Variants in PCDH9 observed in about 807,000 individuals in gnomAD.
PCDH9 encodes protocadherin 9, also known as protocadherin-9.
Under a neutral mutation model 70.6 loss-of-function variants are expected in PCDH9, and 24 were observed. The ratio of observed to expected loss-of-function variants is 0.34; its 90% CI spans 0.25 to 0.48. The LOEUF is 0.48. PCDH9 is among the 20% of genes least tolerant of loss of function. PCDH9 has a pLI of 0.99. For missense variants in PCDH9, 1,281 were observed against 1,503.6 expected (o/e 0.85, Z 2.45); for synonymous variants, 562 against 558.5 (o/e 1.01, Z -0.09).
chr13:67,199,040 T>A (rs972619228), intron 2 of PCDH9, among the ~76,000 whole-genome samples: 1 of 151,682 alleles, frequency 6.6e-6, no homozygotes, highest in Non-Finnish European at 1.5e-5. Flanking sequence ...TGTCTTAAAA[T>A]CTGATTGTAT....
chr13:66,336,253 T>C (rs887808026), intron 4 of PCDH9, among the ~76,000 whole-genome samples: 15 of 151,968 alleles, frequency 9.9e-5, no homozygotes, highest in African/African-American at 3.4e-4. Flanking sequence ...TTAAAGGCTT[T>C]GCAGGATTTT....
At chr13:66,406,642 G>C (rs1042195231) in intron 4 of PCDH9, among the ~76,000 whole-genome samples, 1 of 152,088 alleles carries the variant, frequency 6.6e-6, no homozygotes, top group Non-Finnish European at 1.5e-5. Context: ...GTTTAGCTTT[G>C]TTTAAACACA....
At chr13:66,682,528 G>A (rs113059039) in intron 3 of PCDH9, among the ~76,000 whole-genome samples, 251 of 151,890 alleles carry the variant, frequency 1.7e-3, no homozygotes, top group African/African-American at 5.5e-3. Context: ...GCTCAGTTTC[G>A]GAGTTGAGTC....
chr13:67,152,709 A>G (rs1454841131), intron 2 of PCDH9, among the ~76,000 whole-genome samples: 1 of 148,882 alleles, frequency 6.7e-6, no homozygotes, highest in Non-Finnish European at 1.5e-5. Flanking sequence ...TGAGGGAAAA[A>G]GAGTAAAGCC....
intron 4 of PCDH9, among the ~76,000 whole-genome samples, chr13:66,575,439 C>T (rs983722086): frequency 3.3e-5 from 5 of 152,164 alleles, no homozygotes; most frequent in Non-Finnish European, 7.4e-5. Context: ...TCAGGATCTA[C>T]TCAAAAATCT....
chr13:66,623,575 A>G (rs1450903427), intron 4 of PCDH9, among the ~76,000 whole-genome samples: 1 of 152,168 alleles, frequency 6.6e-6, no homozygotes, highest in Non-Finnish European at 1.5e-5. Flanking sequence ...AGTAGCTAGG[A>G]CTGCAGGCAC....
chr13:66,310,550 C>T (rs540888141), intron 4 of PCDH9, among the ~76,000 whole-genome samples: 1 of 152,066 alleles, frequency 6.6e-6, no homozygotes, highest in Non-Finnish European at 1.5e-5. Context: ...GACCACCGAC[C>T]TTTCAATCTC....
chr13:66,782,422 C>T (rs1187677688), intron 3 of PCDH9, among the ~76,000 whole-genome samples: 2 of 151,972 alleles, frequency 1.3e-5, no homozygotes, highest in African/African-American at 4.8e-5. Context: ...ATCTCTAGAA[C>T]TAGGCGGCCC....
intron 2 of PCDH9, among the ~76,000 whole-genome samples, chr13:66,981,437 C>CAA (rs372208244): frequency 3.9e-4 from 31 of 78,718 alleles, no homozygotes; most frequent in Admixed American, 1.2e-3. Context: ...GACTCCCTCT[C>CAA]AAAAAAAAAA....
chr13:66,783,531 C>A (rs561151016), intron 3 of PCDH9, among the ~76,000 whole-genome samples: 1 of 152,256 alleles, frequency 6.6e-6, no homozygotes, highest in South Asian at 2.1e-4. Context: ...ATAAACCTAA[C>A]TGAAACCAAT....
At chr13:66,666,756 C>T (rs1412927151) in intron 3 of PCDH9, among the ~76,000 whole-genome samples, 1 of 152,182 alleles carries the variant, frequency 6.6e-6, no homozygotes, top group Non-Finnish European at 1.5e-5. Context: ...GAGATCTTCA[C>T]ATTCTATTAA....
intron 3 of PCDH9, among the ~76,000 whole-genome samples, chr13:66,870,586 C>A (rs1385141715): frequency 6.6e-6 from 1 of 152,092 alleles, no homozygotes; most frequent in African/African-American, 2.4e-5. Flanking sequence ...AGGACATGAA[C>A]AGACACTTTT....
chr13:66,638,456 T>C (rs975436576), intron 3 of PCDH9, among the ~76,000 whole-genome samples: 3 of 152,148 alleles, frequency 2.0e-5, no homozygotes, highest in Non-Finnish European at 4.4e-5. Context: ...AAATTAAAAT[T>C]TACTGCCAAT....
intron 2 of PCDH9, among the ~76,000 whole-genome samples, chr13:67,008,805 C>T (rs1594385454): frequency 6.6e-6 from 1 of 152,174 alleles, no homozygotes; most frequent in East Asian, 1.9e-4. Flanking sequence ...CATCACTTGC[C>T]TATCCGCTTC....
intron 2 of PCDH9, among the ~76,000 whole-genome samples, chr13:67,016,253 C>T (rs1730621047): frequency 6.6e-6 from 1 of 152,084 alleles, no homozygotes; most frequent in South Asian, 2.1e-4. Flanking sequence ...TAGAAATTAA[C>T]TTACTTATCA....
chr13:67,128,628 A>T (rs949019007), intron 2 of PCDH9, among the ~76,000 whole-genome samples: 1 of 152,092 alleles, frequency 6.6e-6, no homozygotes, highest in East Asian at 1.9e-4. Flanking sequence ...TTCGCCCACC[A>T]TTTGTACTAT....
intron 3 of PCDH9, among the ~76,000 whole-genome samples, chr13:66,682,631 C>G (rs2078344241): frequency 6.6e-6 from 1 of 152,006 alleles, no homozygotes; most frequent in Non-Finnish European, 1.5e-5. Flanking sequence ...GTTAAAAAAA[C>G]ATTAATTTGT....
At chr13:66,524,998 CAGAG>C (rs1486334185) in intron 4 of PCDH9, among the ~76,000 whole-genome samples, 1 of 151,968 alleles carries the variant, frequency 6.6e-6, no homozygotes, top group East Asian at 1.9e-4. Context: ...GAAAGAGAGA[CAGAG>C]AGCATGAACA....
At chr13:66,792,828 G>T (rs559859669) in intron 3 of PCDH9, among the ~76,000 whole-genome samples, 1 of 152,112 alleles carries the variant, frequency 6.6e-6, no homozygotes, top group Admixed American at 6.6e-5. Flanking sequence ...ATATATGTAG[G>T]TGTTGCACTT....
Sources: allele counts gnomAD v4.1 joint callset (sites outside exome capture counted in the v4.1 genomes callset), GRCh38; gene constraint gnomAD v4.1.1; transcripts MANE v1.5; gene names NCBI Gene and HGNC (gene_info 2026-07-23, HGNC 2026-07-21).